Variants in PUS7L observed in about 807,000 individuals in gnomAD.
PUS7L encodes pseudouridine synthase 7 like.
A neutral mutation model predicts 51.1 loss-of-function variants in PUS7L; 49 were observed. The observed-to-expected ratio is 0.96, with a 90% CI of 0.76 to 1.22. PUS7L has a LOEUF of 1.22. PUS7L is among the 50% of genes most tolerant of loss of function. PUS7L has a pLI of 0.00. For synonymous variants in PUS7L, 277 were observed against 276.2 expected, an observed-to-expected ratio of 1.00 and a Z score of -0.03; for missense variants, 828 against 820.6, an observed-to-expected ratio of 1.01 and a Z score of -0.11.
In PUS7L at chr12:43,725,593, T is replaced by C. The variant is rs1400064940; in HGVS notation, c.*4783A>G. The C allele has an allele frequency of 6.6e-6, 1 of 152,152 alleles. No individual in the cohort carries two copies. Among genetic ancestry groups the C allele is most frequent in the East Asian group, 1.9e-4 (1 of 5,184 alleles). 9.4% of individuals were successfully genotyped at this position (152,152 alleles called of 1,614,324 possible). On this transcript the variant is annotated 3_prime_UTR_variant, in exon 9 of 9. Transcript: ENST00000344862. ...TAGTAGAGACAGGGTTTCAGCATCT[T>C]GGCCAGGCTGGTCTTGAACTCCTGA...
intron 4 of PUS7L, among the ~76,000 whole-genome samples, chr12:43,743,503 C>T (rs1336396565): frequency 6.6e-6 from 1 of 152,206 alleles, no homozygotes; most frequent in African/African-American, 2.4e-5. Flanking sequence ...GTGGCTCACA[C>T]CTGTAATCCC....
intron 1 of PUS7L, among the ~76,000 whole-genome samples, chr12:43,755,850 A>G (rs1359023614): frequency 6.6e-6 from 1 of 152,222 alleles, no homozygotes; most frequent in African/African-American, 2.4e-5. Flanking sequence ...GACAAATAGA[A>G]GCTTTCAAGG....
At position 43,719,760 on chromosome 12, in the gene PUS7L, A is replaced by G. The variant is rs540088665; in HGVS notation, c.*10616T>C. On this transcript the variant is annotated 3_prime_UTR_variant, in exon 9 of 9. Coordinates refer to ENST00000344862, the MANE Select transcript of PUS7L (RefSeq NM_031292.5). ...ATAATATTGGCAGAAAATTGTTCATAATATTCTATTATCTTTTTAATTTTT... is the reference window on the plus strand; with the variant it reads ...ATAATATTGGCAGAAAATTGTTCATGATATTCTATTATCTTTTTAATTTTT... 6.6e-6 allele frequency: 1 copy of G among 152,284 alleles called. No homozygotes were observed. Among genetic ancestry groups the G allele is most frequent in the South Asian group, 2.1e-4 (1 of 4,830 alleles). The allele number at this position is 152,284 out of a possible 1,614,324, so 9.4% of individuals were successfully genotyped here.
intron 6 of PUS7L, among the ~76,000 whole-genome samples, chr12:43,737,610 A>G (rs1331254183): frequency 1.3e-5 from 2 of 151,086 alleles, no homozygotes; most frequent in African/African-American, 4.8e-5. Flanking sequence ...ATTTAAATAA[A>G]GGTAATATTT....
chr12:43,755,096 G>A lies in PUS7L; in HGVS notation c.150C>T (p.Ile50=), dbSNP rs145528273. The A allele has an allele frequency of 1.7e-4, 270 of 1,613,636 alleles. 3 individuals are homozygous for A. The African/African-American group carries it at 2.9e-3, about 17-fold the overall frequency. The change falls in exon 2 of 9, where the codon ATC becomes ATT. Residue 50 remains isoleucine, a synonymous_variant. Transcript: ENST00000344862. ...CACTAATCTTGAAAATAGGCTCATC[G>A]ATGGTCTTATTAACTAACTGTCCCT... is the stretch of plus-strand genomic sequence containing the variant. ...DEQGQLVNKT[I]DEPIFKISEI...
chr12:43,744,591 G>A (rs932381528), intron 4 of PUS7L, among the ~76,000 whole-genome samples: 1 of 152,142 alleles, frequency 6.6e-6, no homozygotes, highest in Admixed American at 6.5e-5. Flanking sequence ...AGCAGCATGA[G>A]AATGGACTAA....
chr12:43,740,732 C>G (rs1396829525), intron 5 of PUS7L: 1 of 152,184 alleles, frequency 6.6e-6, no homozygotes, highest in Non-Finnish European at 1.5e-5. Context: ...GGCCAGAAGA[C>G]AGAAGAAGTG....
In PUS7L at chr12:43,754,424, C is replaced by T; in HGVS notation, c.822G>A (p.Val274=). ...TTTCCCGAAATCTTACTGTTACCAC[C>T]ACATTCGGATTACCAGCACTGCAAT... The part of the protein sequence containing the change: ...KMNCSAGNPN[V]VVTVRFREKA... The change falls in exon 2 of 9, where the codon GTG becomes GTA. Residue 274 remains valine, a synonymous_variant. Coordinates refer to ENST00000344862, the MANE Select transcript of PUS7L (RefSeq NM_031292.5). The T allele has an allele frequency of 9.3e-6, 15 of 1,613,716 alleles. No individual in the cohort carries two copies. Among genetic ancestry groups the T allele is most frequent in the South Asian group, 1.1e-5 (1 of 91,008 alleles).
chr12:43,734,877 T>C (rs1345204118), intron 7 of PUS7L, among the ~76,000 whole-genome samples: 2 of 152,234 alleles, frequency 1.3e-5, no homozygotes, highest in Non-Finnish European at 2.9e-5. Flanking sequence ...ACTCAAATTT[T>C]CACTAATTTT....
At chr12:43,746,326 A>G in intron 3 of PUS7L, 88 bp from the exon 4 acceptor site, 1 of 574,840 alleles carries the variant, frequency 1.7e-6, no homozygotes, top group South Asian at 2.6e-5. Context: ...TTGCCAAGCA[A>G]CCCCTTATAT....
At position 43,719,522 on chromosome 12, in the gene PUS7L, C is replaced by T. The variant is rs1270267497; in HGVS notation, c.*10854G>A. The T allele has an allele frequency of 6.6e-6, 1 of 152,006 alleles. No individual in the cohort carries two copies. The highest frequency in any genetic ancestry group is 2.4e-5 in the African/African-American group (1 of 41,396). The allele number at this position is 152,006 out of a possible 1,614,324, so 9.4% of individuals were successfully genotyped here. A position where few individuals can be genotyped will look rare whatever the true frequency, so the allele number is the denominator to read the frequency against. On this transcript the variant is annotated 3_prime_UTR_variant, in exon 9 of 9. Transcript: ENST00000344862. ...GGGACTCTTCTTTATTTTTTCTAAT[C>T]TCAGGAAAGTTTGTGTAGACTTGAA...
rs1477736111 is a variant in PUS7L at position 43,755,227 on chromosome 12, A to G, written c.19T>C (p.Tyr7His). The G allele has an allele frequency of 3.8e-6, 6 of 1,597,606 alleles. No homozygotes were observed. The highest frequency in any genetic ancestry group is 5.1e-6 in the Non-Finnish European group (6 of 1,172,512). MEEDTD[Y>H]RIRFSSLCFF... Reference sequence around the variant, plus strand: ...CACAAAGAACTAAACCTGATTCTATAATCTGTATCTTCTTCCATTCTTCTA... The same window carrying G: ...CACAAAGAACTAAACCTGATTCTATGATCTGTATCTTCTTCCATTCTTCTA... The change falls in exon 2 of 9, where the codon TAT becomes CAT. Residue 7 changes from tyrosine (Y) to histidine (H), a missense_variant. By Grantham distance (83) the Tyr-to-His change is moderately conservative. Coordinates refer to ENST00000344862, the MANE Select transcript of PUS7L (RefSeq NM_031292.5).
At chr12:43,745,237 CG>C (rs1418036361) in intron 4 of PUS7L, among the ~76,000 whole-genome samples, 2 of 152,074 alleles carry the variant, frequency 1.3e-5, no homozygotes, top group African/African-American at 4.8e-5. Context: ...ATTTAAATGT[CG>C]GGAAAATGTC....
At chr12:43,758,662 C>CCG in intron 1 of PUS7L, 68 bp downstream of exon 1, 1 of 765,942 alleles carries the variant, frequency 1.3e-6, no homozygotes, top group Non-Finnish European at 1.5e-6. Context: ...TCACCCCCCC[C>CCG]CCCCACACAC....
Position 43,728,288 on chromosome 12 carries a change from T to A in PUS7L, c.*2088A>T, listed in dbSNP as rs1024697652. On this transcript the variant is annotated 3_prime_UTR_variant, in exon 9 of 9. Transcript: ENST00000344862. Reference sequence around the variant, plus strand: ...ATGAAATAAACTTAGTGTTCCTTTATACACTGCTGAAGTATTTACTAAATA... The same window carrying A: ...ATGAAATAAACTTAGTGTTCCTTTAAACACTGCTGAAGTATTTACTAAATA... The A allele has an allele frequency of 6.6e-6, 1 of 152,184 alleles. No individual in the cohort carries two copies. Among genetic ancestry groups the A allele is most frequent in the Non-Finnish European group, 1.5e-5 (1 of 68,006 alleles). The allele number at this position is 152,184 out of a possible 1,614,324, so 9.4% of individuals were successfully genotyped here. A position where few individuals can be genotyped will look rare whatever the true frequency, so the allele number is the denominator to read the frequency against.
At chr12:43,752,296 TATCCTCACAGC>T (rs1198430510) in intron 2 of PUS7L, among the ~76,000 whole-genome samples, 2 of 152,178 alleles carry the variant, frequency 1.3e-5, no homozygotes, top group African/African-American at 4.8e-5. Context: ...CTGTTTTGAG[TATCCTCACAGC>T]ATAGCAGCTG....
Position 43,746,105 on chromosome 12 carries a change from GT to G in PUS7L, c.1203del (p.Lys401AsnfsTer3). 6.5e-7 allele frequency: 1 copy of G among 1,530,202 alleles called. No individual in the cohort carries two copies. The highest frequency in any genetic ancestry group is 1.2e-5 in the South Asian group (1 of 86,736). The allele number at this position is 1,530,202 out of a possible 1,614,324, so 94.8% of individuals were successfully genotyped here. A position where few individuals can be genotyped will look rare whatever the true frequency, so the allele number is the denominator to read the frequency against. ...CTCAGGTTTGCAGAATCATTTATTTGTTTTTTTAAATTTCTAATGACAATAT... is the reference window on the plus strand; with the variant it reads ...CTCAGGTTTGCAGAATCATTTATTTGTTTTTTAAATTTCTAATGACAATAT... ...HFDIVIRNLKKQINDSANLRE... is the reference protein window; with the variant it reads ...HFDIVIRNLKXQINDSANLRE... On this transcript the variant is annotated frameshift_variant, in exon 4 of 9. Coordinates refer to ENST00000344862, the MANE Select transcript of PUS7L (RefSeq NM_031292.5). LOFTEE classifies it high-confidence loss of function.
Position 43,746,156 on chromosome 12 carries a change from C to T in PUS7L, c.1153G>A (p.Gly385Ser). Reference sequence around the variant, plus strand: ...TCAAAGTGATTTCCTTTGAGCTGACCAAGTCTCAGGGAATCATCTACAGAC... The same window carrying T: ...TCAAAGTGATTTCCTTTGAGCTGACTAAGTCTCAGGGAATCATCTACAGAC... ...IRSVDDSLRL[G>S]QLKGNHFDIV... Residue 385 changes from glycine (G) to serine (S), a missense_variant, in exon 4 of 9, where the codon GGT (glycine) becomes AGT (serine). Gly to Ser is a moderately conservative substitution (Grantham distance 56, BLOSUM62 0). Coordinates refer to ENST00000344862, the MANE Select transcript of PUS7L (RefSeq NM_031292.5). 1 of 1,530,316 alleles carries T rather than the reference C, an allele frequency of 6.5e-7. No homozygotes were observed. Among genetic ancestry groups the T allele is most frequent in the Non-Finnish European group, 9.0e-7 (1 of 1,109,480 alleles). The allele number at this position is 1,530,316 out of a possible 1,614,324, so 94.8% of individuals were successfully genotyped here. A position where few individuals can be genotyped will look rare whatever the true frequency, so the allele number is the denominator to read the frequency against.
chr12:43,738,554 T>G (rs974068525), intron 5 of PUS7L, 163 bp from the exon 6 acceptor site: 2 of 583,966 alleles, frequency 3.4e-6, no homozygotes, highest in Non-Finnish European at 6.0e-6. Flanking sequence ...CAGACAATGT[T>G]AAATGTAGAA....
Sources: gnomAD v4.1 joint callset for allele counts (sites outside exome capture counted in the v4.1 genomes callset) on GRCh38, gnomAD v4.1.1 for gene constraint, MANE v1.5 for transcripts, NCBI Gene and HGNC (gene_info 2026-07-23, HGNC 2026-07-21) for gene names.